Variants in DTL observed in about 807,000 individuals in gnomAD.
The protein encoded by DTL is denticleless E3 ubiquitin protein ligase adapter, also known as denticleless protein homolog.
A neutral mutation model predicts 87.0 loss-of-function variants in DTL; 46 were observed. The ratio of observed to expected loss-of-function variants is 0.53; its 90% CI spans 0.42 to 0.68. The LOEUF (loss-of-function observed/expected upper bound fraction) is 0.68. Ranked by LOEUF, DTL falls within the 30% of genes least tolerant of loss-of-function variation. DTL has a pLI of 0.00. For synonymous variants in DTL, 308 were observed against 311.2 expected (o/e 0.99, Z 0.11); for missense variants, 737 against 869.4 (o/e 0.85, Z 1.91).
intron 14 of DTL, 98 bp downstream of exon 14, chr1:212,101,182 A>C: frequency 1.1e-6 from 1 of 916,524 alleles, no homozygotes; most frequent in Non-Finnish European, 1.6e-6. Flanking sequence ...TTTTAAAGAA[A>C]GAAATCTATT....
intron 13 of DTL, among the ~76,000 whole-genome samples, chr1:212,083,665 G>T (rs1267120730): frequency 6.6e-6 from 1 of 152,160 alleles, no homozygotes; most frequent in East Asian, 1.9e-4. Flanking sequence ...GTATTGGAAA[G>T]ATCATGTACA....
Position 212,103,827 on chromosome 1 carries a change from TAA to T in DTL, c.*888_*889del, listed in dbSNP as rs1222663364. 1 of 152,186 alleles carries T rather than the reference TAA, an allele frequency of 6.6e-6. No homozygotes were observed. Among genetic ancestry groups the T allele is most frequent in the Non-Finnish European group, 1.5e-5 (1 of 68,028 alleles). 9.4% of individuals were successfully genotyped at this position (152,186 alleles called of 1,614,324 possible). On this transcript the variant is annotated 3_prime_UTR_variant, in exon 15 of 15. Transcript: ENST00000366991. ...AGGGGCTGCAATGTTTTAAAAAAAA[TAA>T]GTCATCAGATTTTAAGAAAAAAGTG...
intron 5 of DTL, among the ~76,000 whole-genome samples, chr1:212,058,068 A>G (rs1299774854): frequency 6.6e-6 from 1 of 152,208 alleles, no homozygotes. Flanking sequence ...GCACACAGAT[A>G]TATAAAGCCA....
Position 212,050,892 on chromosome 1 carries a change from C to T in DTL, c.460+3475C>T, listed in dbSNP as rs11811642. On this transcript the variant is annotated intron_variant, in intron 5 of 14. Coordinates refer to ENST00000366991, the MANE Select transcript of DTL (RefSeq NM_016448.4). ...TTAATTATCTAATTATCAGAAAGCACGAAACTTTTCAGGTCTTTTCTTCTG... is the reference window on the plus strand; with the variant it reads ...TTAATTATCTAATTATCAGAAAGCATGAAACTTTTCAGGTCTTTTCTTCTG... Among the ~76,000 whole-genome samples the T allele has an allele frequency of 5.2e-3, 794 of 152,162 alleles. 10 individuals carry two copies. Among genetic ancestry groups the T allele is most frequent in the African/African-American group, 0.018 (763 of 41,518 alleles).
chr1:212,060,734 CA>C (rs36050858), intron 5 of DTL, among the ~76,000 whole-genome samples: 11,986 of 90,534 alleles, frequency 0.13, 430 homozygotes, highest in South Asian at 0.22. Flanking sequence ...GACTCAGTCT[CA>C]AAAAAAAAAA....
chr1:212,048,938 T>G (rs533862666), intron 5 of DTL, among the ~76,000 whole-genome samples: 51 of 145,916 alleles, frequency 3.5e-4, no homozygotes, highest in African/African-American at 1.1e-3. Flanking sequence ...TTGTTTGTTT[T>G]TTGAGACAAA....
chr1:212,050,493 C>T (rs1423551583), intron 5 of DTL, among the ~76,000 whole-genome samples: 1 of 152,108 alleles, frequency 6.6e-6, no homozygotes, highest in Non-Finnish European at 1.5e-5. Flanking sequence ...TACAAACTTA[C>T]CTATATTTAC....
In DTL at chr1:212,068,243, T is replaced by A. The variant is rs747552993; in HGVS notation, c.733T>A (p.Leu245Ile). 2 of 1,607,280 alleles carry A rather than the reference T, an allele frequency of 1.2e-6. No homozygotes were observed. Among genetic ancestry groups the A allele is most frequent in the South Asian group, 2.2e-5 (2 of 89,326 alleles). Residue 245 changes from leucine to isoleucine, a missense_variant, in exon 9 of 15, where the codon TTA (leucine) becomes ATA (isoleucine). Transcript: ENST00000366991. ...TTTTAGGATAATCAAAGTATGGGAT[T>A]TACGTAAGAATTATACTGCTTATCG... ...AVDGIIKVWD[L>I]RKNYTAYRQE...
chr1:212,070,077 A>G (rs746697393), intron 10 of DTL, among the ~76,000 whole-genome samples: 5 of 152,184 alleles, frequency 3.3e-5, no homozygotes, highest in East Asian at 3.8e-4. Context: ...TAGTTAGTCA[A>G]ATAAAATAGA....
At chr1:212,101,171 T>TG in intron 14 of DTL, 87 bp downstream of exon 14, 1 of 1,051,952 alleles carries the variant, frequency 9.5e-7, no homozygotes, top group Non-Finnish European at 1.3e-6. Flanking sequence ...CTTTTTTTTT[T>TG]TTTTAAAGAA....
At chr1:212,061,930 C>T (rs1211862840) in intron 5 of DTL, among the ~76,000 whole-genome samples, 1 of 152,118 alleles carries the variant, frequency 6.6e-6, no homozygotes, top group Non-Finnish European at 1.5e-5. Context: ...GTGTAAGTTC[C>T]ATTGTTCGAT....
chr1:212,061,160 G>T (rs1273136311), intron 5 of DTL, among the ~76,000 whole-genome samples: 6 of 151,880 alleles, frequency 4.0e-5, no homozygotes, highest in Admixed American at 1.3e-4. Context: ...CAGCTACTTG[G>T]TGGGGCTGAG....
At position 212,043,027 on chromosome 1, in the gene DTL, G is replaced by A. The variant is rs144020812; in HGVS notation, c.87G>A (p.Leu29=). The A allele has an allele frequency of 3.8e-3, 6,159 of 1,612,674 alleles. 17 individuals are homozygous for A. Among genetic ancestry groups the A allele is most frequent in the Middle Eastern group, 5.3e-3 (32 of 6,056 alleles). Residue 29 remains leucine (L), a synonymous_variant, in exon 2 of 15, where the codon CTG becomes CTA. Coordinates refer to ENST00000366991, the MANE Select transcript of DTL (RefSeq NM_016448.4). ...CACAATACCCTCTTCAATCCCTTCTGACTGGTTATCAGTGCAGTGGTAATG... is the reference window on the plus strand; with the variant it reads ...CACAATACCCTCTTCAATCCCTTCTAACTGGTTATCAGTGCAGTGGTAATG... The part of the protein sequence containing the change: ...WSSQYPLQSL[L]TGYQCSGNDE...
chr1:212,085,491 G>T (rs1655106733), intron 13 of DTL, among the ~76,000 whole-genome samples: 1 of 152,044 alleles, frequency 6.6e-6, no homozygotes, highest in East Asian at 1.9e-4. Flanking sequence ...TTCTAATTGG[G>T]TTATTTGTCT....
At chr1:212,050,759 T>C (rs1021123420) in intron 5 of DTL, among the ~76,000 whole-genome samples, 3 of 152,224 alleles carry the variant, frequency 2.0e-5, no homozygotes, top group African/African-American at 4.8e-5. Context: ...ATCTTAACCC[T>C]GTGTTCTCTT....
chr1:212,101,208 C>A, intron 14 of DTL, 124 bp downstream of exon 14: 1 of 677,424 alleles, frequency 1.5e-6, no homozygotes, highest in Non-Finnish European at 2.3e-6. Flanking sequence ...CTAGTGCTGC[C>A]AAATTCAGCA....
At chr1:212,048,787 A>T (rs1293599851) in intron 5 of DTL, among the ~76,000 whole-genome samples, 1 of 151,856 alleles carries the variant, frequency 6.6e-6, no homozygotes, top group Non-Finnish European at 1.5e-5. Context: ...TAATAGTGAC[A>T]GACATTACAA....
chr1:212,087,943 AC>A (rs1655178576), intron 13 of DTL, among the ~76,000 whole-genome samples: 1 of 151,906 alleles, frequency 6.6e-6, no homozygotes, highest in South Asian at 2.1e-4. Flanking sequence ...CTCCTGCCCT[AC>A]CTTTCCCAGC....
chr1:212,066,235 A>G (rs1436382232), intron 7 of DTL, among the ~76,000 whole-genome samples: 1 of 152,080 alleles, frequency 6.6e-6, no homozygotes, highest in Non-Finnish European at 1.5e-5. Context: ...ACTTAAAACT[A>G]TACACCGTGA....
Sources: gnomAD v4.1 joint callset for allele counts (sites outside exome capture counted in the v4.1 genomes callset) on GRCh38, gnomAD v4.1.1 for gene constraint, MANE v1.5 for transcripts, NCBI Gene and HGNC (gene_info 2026-07-23, HGNC 2026-07-21) for gene names.